The following RUNX2 variants were observed in gnomAD, a reference collection of about 807,000 sequenced individuals.
RUNX2 encodes the protein runt-related transcription factor 2.
A neutral mutation model predicts 51.7 loss-of-function variants in RUNX2; 10 were observed. The observed-to-expected ratio is 0.19, with a 90% CI of 0.12 to 0.33. The LOEUF (loss-of-function observed/expected upper bound fraction) is 0.33. Ranked by LOEUF, RUNX2 falls within the 10% of genes least tolerant of loss-of-function variation. The pLI, the probability that RUNX2 is intolerant of heterozygous loss-of-function variation, is 1.00. For synonymous variants in RUNX2, 276 were observed against 273.6 expected (o/e 1.01, Z -0.09); for missense variants, 562 against 691.3 (o/e 0.81, Z 2.10).
In RUNX2 at chr6:45,385,029, T is replaced by C. The variant is rs146031692; in HGVS notation, c.59-37564T>C. ...ATTTTTTCTTAATTCAGTAAACTTA[T>C]GTAAATTTGACAATTATTCTTTTAA... On this transcript the variant is annotated intron_variant, in intron 2 of 8. Coordinates refer to ENST00000647337, the MANE Select transcript of RUNX2 (RefSeq NM_001024630.4). Among the ~76,000 whole-genome samples the C allele has an allele frequency of 2.0e-3, 299 of 152,296 alleles. 3 individuals are homozygous for C. The highest frequency in any genetic ancestry group is 6.9e-3 in the African/African-American group (286 of 41,558).
chr6:45,546,298 CT>C (rs1219181819), intron 8 of RUNX2, among the ~76,000 whole-genome samples: 2 of 151,988 alleles, frequency 1.3e-5, no homozygotes, highest in Non-Finnish European at 2.9e-5. Flanking sequence ...CTTTAAAGGC[CT>C]TAAAGGAAAT....
chr6:45,393,481 A>C (rs1197730563), intron 2 of RUNX2, among the ~76,000 whole-genome samples: 1 of 151,674 alleles, frequency 6.6e-6, no homozygotes, highest in Non-Finnish European at 1.5e-5. Flanking sequence ...CCCAGGCTGG[A>C]GTGCAATGGC....
At chr6:45,524,305 G>C (rs978623819) in intron 7 of RUNX2, among the ~76,000 whole-genome samples, 2 of 152,160 alleles carry the variant, frequency 1.3e-5, no homozygotes, top group Non-Finnish European at 1.5e-5. Context: ...AGGCAACATT[G>C]TTCCTAAATA....
At chr6:45,509,482 T>C (rs940635831) in intron 6 of RUNX2, among the ~76,000 whole-genome samples, 3 of 152,226 alleles carry the variant, frequency 2.0e-5, no homozygotes, top group Admixed American at 6.5e-5. Context: ...GTTTAAGTGA[T>C]ATGCTCAGCA....
intron 2 of RUNX2, among the ~76,000 whole-genome samples, chr6:45,413,345 A>G (rs76954735): frequency 0.08 from 12,106 of 151,670 alleles, 704 homozygotes; most frequent in South Asian, 0.18. Context: ...CACACACACA[A>G]TCACCCTTAC....
intron 5 of RUNX2, among the ~76,000 whole-genome samples, chr6:45,480,636 C>A (rs963397570): frequency 6.6e-6 from 1 of 152,184 alleles, no homozygotes; most frequent in Non-Finnish European, 1.5e-5. Flanking sequence ...TAATGTCTAG[C>A]AAGCAGAGAA....
At chr6:45,500,617 G>A (rs1800776015) in intron 6 of RUNX2, among the ~76,000 whole-genome samples, 1 of 152,200 alleles carries the variant, frequency 6.6e-6, no homozygotes, top group African/African-American at 2.4e-5. Context: ...AAGGTGTAGG[G>A]GGAAAGATTT....
chr6:45,522,230 G>A (rs2150430951), intron 7 of RUNX2, among the ~76,000 whole-genome samples: 1 of 152,270 alleles, frequency 6.6e-6, no homozygotes, highest in South Asian at 2.1e-4. Flanking sequence ...AGAAGATATA[G>A]TCTCTGCCTT....
intron 5 of RUNX2, among the ~76,000 whole-genome samples, chr6:45,460,953 C>T (rs1166113353): frequency 2.6e-5 from 4 of 151,940 alleles, no homozygotes; most frequent in Admixed American, 6.6e-5. Flanking sequence ...CTATCCTTAG[C>T]GTGTAATAGA....
At chr6:45,371,983 C>G in intron 2 of RUNX2, 2 of 864,334 alleles carry the variant, frequency 2.3e-6, no homozygotes, top group Non-Finnish European at 2.8e-6. Flanking sequence ...GGTCCCCCGA[C>G]ACCTGGTCCA....
At chr6:45,534,672 A>T (rs1487831326) in intron 7 of RUNX2, among the ~76,000 whole-genome samples, 6 of 152,232 alleles carry the variant, frequency 3.9e-5, no homozygotes, top group African/African-American at 1.2e-4. Context: ...TCAGGTAAAC[A>T]CAGGTAGAGT....
chr6:45,549,865 T>G lies in RUNX2; in HGVS notation c.*2560T>G, dbSNP rs1170104285. ...GCAACCCAGAAACACTTTAGAAGCT[T>G]TTTTTCCTTGGGAAAAATTCAAGCA... On this transcript the variant is annotated 3_prime_UTR_variant, in exon 9 of 9. Coordinates refer to ENST00000647337, the MANE Select transcript of RUNX2 (RefSeq NM_001024630.4). 1 of 152,808 alleles carries G rather than the reference T, an allele frequency of 6.5e-6. No individual in the cohort carries two copies. Among genetic ancestry groups the G allele is most frequent in the African/African-American group, 2.4e-5 (1 of 41,438 alleles). 9.5% of individuals were successfully genotyped at this position (152,808 alleles called of 1,614,324 possible). A position where few individuals can be genotyped will look rare whatever the true frequency, so the allele number is the denominator to read the frequency against.
chr6:45,422,867 C>A lies in RUNX2; in HGVS notation c.333C>A (p.Ala111=). ...TGGAGATCATCGCCGACCACCCGGC[C>A]GAACTCGTCCGCACCGACAGCCCCA... ...TMVEIIADHP[A]ELVRTDSPNF... Residue 111 remains alanine (A), a synonymous_variant, in exon 3 of 9, where the codon GCC becomes GCA. Transcript: ENST00000647337. 13 of 1,612,124 alleles carry A rather than the reference C, an allele frequency of 8.1e-6. No individual in the cohort carries two copies. Among genetic ancestry groups the A allele is most frequent in the Non-Finnish European group, 1.1e-5 (13 of 1,179,568 alleles).
At chr6:45,459,761 A>AGTGAT (rs1799420904) in intron 5 of RUNX2, among the ~76,000 whole-genome samples, 2 of 152,246 alleles carry the variant, frequency 1.3e-5, no homozygotes, top group African/African-American at 4.8e-5. Context: ...TAAGTACTTT[A>AGTGAT]AAGAAAAAAG....
chr6:45,377,279 A>T (rs1796930435), intron 2 of RUNX2: 1 of 152,132 alleles, frequency 6.6e-6, no homozygotes, highest in African/African-American at 2.4e-5. Flanking sequence ...CAAGCTAAAT[A>T]ATTTCCCCAG....
chr6:45,471,680 G>A (rs1411084563), intron 5 of RUNX2, among the ~76,000 whole-genome samples: 2 of 152,094 alleles, frequency 1.3e-5, no homozygotes, highest in African/African-American at 2.4e-5. Context: ...TCCTGACCTC[G>A]TCCTCCTCGG....
intron 7 of RUNX2, among the ~76,000 whole-genome samples, chr6:45,527,048 A>G (rs1297486110): frequency 6.6e-6 from 1 of 152,220 alleles, no homozygotes; most frequent in Non-Finnish European, 1.5e-5. Context: ...TGATGTGATG[A>G]GGAGTCAATA....
In RUNX2 at chr6:45,399,815, G is replaced by GAAGT. The variant is rs536329169; in HGVS notation, c.59-22774_59-22771dup. Among the ~76,000 whole-genome samples the GAAGT allele has an allele frequency of 3.8e-3, 549 of 145,190 alleles. 2 individuals are homozygous for GAAGT. The highest frequency in any genetic ancestry group is 5.3e-3 in the Non-Finnish European group (352 of 66,472). On this transcript the variant is annotated intron_variant, in intron 2 of 8. Coordinates refer to ENST00000647337, the MANE Select transcript of RUNX2 (RefSeq NM_001024630.4). ...GGAGGGAAGGAAGGAAGGAGGGAGGGAAGTAAGGAAGGAAGGAAGGAAGGA... is the reference window on the plus strand; with the variant it reads ...GGAGGGAAGGAAGGAAGGAGGGAGGGAAGTAAGTAAGGAAGGAAGGAAGGAAGGA...
At chr6:45,394,249 A>T (rs192643523) in intron 2 of RUNX2, among the ~76,000 whole-genome samples, 117 of 152,248 alleles carry the variant, frequency 7.7e-4, no homozygotes, top group African/African-American at 2.7e-3. Context: ...CAGAGTGAGA[A>T]CTTACTCATT....
Sources: allele counts gnomAD v4.1 joint callset (sites outside exome capture counted in the v4.1 genomes callset), GRCh38; gene constraint gnomAD v4.1.1; transcripts MANE v1.5; gene names NCBI Gene and HGNC (gene_info 2026-07-23, HGNC 2026-07-21).